DENND1B: variants seen among roughly 807,000 people sequenced by gnomAD.
The protein encoded by DENND1B is DENN domain containing 1B, also known as DENN domain-containing protein 1B.
A neutral mutation model predicts 90.1 loss-of-function variants in DENND1B; 59 were observed. That is an observed-to-expected ratio of 0.65 (90% CI 0.53 to 0.81). DENND1B has a LOEUF of 0.81. Ranked by LOEUF, DENND1B falls within the 40% of genes least tolerant of loss-of-function variation. The pLI is 0.00. For synonymous variants in DENND1B, 337 were observed against 324.6 expected, an observed-to-expected ratio of 1.04 and a Z score of -0.41; for missense variants, 862 against 912.6, an observed-to-expected ratio of 0.94 and a Z score of 0.71.
chr1:197,663,603 T>C (rs1404138833), intron 5 of DENND1B, among the ~76,000 whole-genome samples: 2 of 152,146 alleles, frequency 1.3e-5, no homozygotes, highest in African/African-American at 2.4e-5. Context: ...TCCAGACTTC[T>C]TGTTTCTCTT....
Position 197,770,647 on chromosome 1 carries a change from A to C in DENND1B, c.82+2221T>G, listed in dbSNP as rs376753175. On this transcript the variant is annotated intron_variant, in intron 2 of 22. Transcript: ENST00000620048. ...ATATATATAAAAATATATATCTATA[A>C]ATATATATCTATAAATATATATCTA... Among the ~76,000 whole-genome samples the C allele has an allele frequency of 7.2e-3, 1,036 of 143,544 alleles. 27 individuals are homozygous for C. The highest frequency in any genetic ancestry group is 0.025 in the African/African-American group (968 of 39,222). 94.2% of individuals were successfully genotyped at this position (143,544 alleles called of 152,430 possible).
intron 2 of DENND1B, chr1:197,761,941 T>G (rs182333775): frequency 6.7e-4 from 102 of 152,116 alleles, no homozygotes; most frequent in Middle Eastern, 6.8e-3. Context: ...TTAAATAAAG[T>G]GCCCGTTGCT....
rs190654634 is a variant in DENND1B, at chr1:197,508,588, T to C, written c.*1872A>G. The C allele has an allele frequency of 6.6e-6, 1 of 151,836 alleles. No individual in the cohort carries two copies. The highest frequency in any genetic ancestry group is 1.5e-5 in the Non-Finnish European group (1 of 67,790). The allele number at this position is 151,836 out of a possible 1,614,324, so 9.4% of individuals were successfully genotyped here. A position where few individuals can be genotyped will look rare whatever the true frequency, so the allele number is the denominator to read the frequency against. On this transcript the variant is annotated 3_prime_UTR_variant, in exon 23 of 23. Coordinates refer to ENST00000620048, the MANE Select transcript of DENND1B (RefSeq NM_001195215.2). ...CGTAGGTTTTAAAAAAACTTGGTCA[T>C]TTTCTTTAAATTATTTCAAACCCTC...
chr1:197,560,559 G>C (rs1274141460), intron 15 of DENND1B, among the ~76,000 whole-genome samples: 1 of 151,776 alleles, frequency 6.6e-6, no homozygotes, highest in Non-Finnish European at 1.5e-5. Context: ...GCCATGAGGA[G>C]GTTTAATGGG....
intron 6 of DENND1B, 45 bp downstream of exon 6, chr1:197,658,255 A>G: frequency 6.9e-7 from 1 of 1,450,464 alleles, no homozygotes; most frequent in Non-Finnish European, 9.7e-7. Context: ...GTTTTGTGTT[A>G]TAAGTATTTT....
chr1:197,737,168 C>CAGCA (rs1662775744), intron 2 of DENND1B, among the ~76,000 whole-genome samples: 1 of 152,128 alleles, frequency 6.6e-6, no homozygotes, highest in South Asian at 2.1e-4. Context: ...AGCTATAAGG[C>CAGCA]AGCACACCAA....
intron 20 of DENND1B, among the ~76,000 whole-genome samples, chr1:197,523,179 A>C (rs1668896855): frequency 4.6e-5 from 7 of 152,070 alleles, no homozygotes; most frequent in Admixed American, 4.6e-4. Context: ...CATTTATATA[A>C]AACAAAAGCC....
intron 2 of DENND1B, among the ~76,000 whole-genome samples, chr1:197,739,165 G>C (rs1189038217): frequency 1.3e-5 from 2 of 152,148 alleles, no homozygotes; most frequent in Non-Finnish European, 2.9e-5. Flanking sequence ...CACCCAGAGT[G>C]GGAAAACCTC....
rs564802366 is a variant in DENND1B at position 197,626,343 on chromosome 1, G to A, written c.673-8584C>T. 5.8e-3 allele frequency among the ~76,000 whole-genome samples: 876 copies of A among 152,060 alleles called. 4 individuals are homozygous for A. Among genetic ancestry groups the A allele is most frequent in the African/African-American group, 9.7e-3 (401 of 41,500 alleles). ...CTGTCTCTCAGACCACAGGGCAATC[G>A]AACTAGAACTCAGGATTAAGAAACT... On this transcript the variant is annotated intron_variant, in intron 10 of 22. Transcript: ENST00000620048.
At chr1:197,528,807 C>A (rs1379698888) in intron 20 of DENND1B, among the ~76,000 whole-genome samples, 1 of 150,958 alleles carries the variant, frequency 6.6e-6, no homozygotes, top group Non-Finnish European at 1.5e-5. Flanking sequence ...TTGCAGTGAG[C>A]CGAGATCCCG....
At chr1:197,750,475 T>C (rs1653321064) in intron 2 of DENND1B, among the ~76,000 whole-genome samples, 1 of 151,906 alleles carries the variant, frequency 6.6e-6, no homozygotes, top group Non-Finnish European at 1.5e-5. Flanking sequence ...AGATAATGAA[T>C]TTAAACCTAA....
chr1:197,538,682 T>TTTTTA (rs1670098856), intron 20 of DENND1B, among the ~76,000 whole-genome samples: 1 of 135,448 alleles, frequency 7.4e-6, no homozygotes, highest in East Asian at 2.2e-4. Context: ...TTTTTTTTTT[T>TTTTTA]ACAAAGGACT....
At chr1:197,707,985 A>C (rs1053413115) in intron 3 of DENND1B, among the ~76,000 whole-genome samples, 1 of 152,028 alleles carries the variant, frequency 6.6e-6, no homozygotes. Context: ...CCGGAAAATC[A>C]GGTCACTCCC....
intron 1 of DENND1B, 39 bp downstream of exon 1, chr1:197,775,100 G>A: frequency 8.1e-7 from 1 of 1,229,828 alleles, no homozygotes; most frequent in East Asian, 3.4e-5. Flanking sequence ...GGCCGCCGAG[G>A]GACGCCCGCC....
At chr1:197,747,645 A>C (rs1375503207) in intron 2 of DENND1B, among the ~76,000 whole-genome samples, 1 of 152,250 alleles carries the variant, frequency 6.6e-6, no homozygotes, top group East Asian at 1.9e-4. Context: ...AAAATGCAAT[A>C]CCTAAAAAGC....
intron 20 of DENND1B, among the ~76,000 whole-genome samples, chr1:197,519,827 T>C (rs1040811259): frequency 2.6e-5 from 4 of 151,846 alleles, no homozygotes; most frequent in African/African-American, 9.7e-5. Context: ...TGGTGCATTG[T>C]GGATTGGGGC....
At chr1:197,542,938 T>C (rs1043013327) in intron 18 of DENND1B, among the ~76,000 whole-genome samples, 2 of 151,718 alleles carry the variant, frequency 1.3e-5, no homozygotes, top group African/African-American at 4.8e-5. Flanking sequence ...TATTTATTTA[T>C]TTATTTTTTT....
intron 20 of DENND1B, among the ~76,000 whole-genome samples, chr1:197,525,475 G>T (rs1457259933): frequency 6.6e-6 from 1 of 151,998 alleles, no homozygotes; most frequent in Non-Finnish European, 1.5e-5. Context: ...CATTTAAAAA[G>T]GTTTCTTAAT....
At chr1:197,530,156 T>C (rs919277942) in intron 20 of DENND1B, among the ~76,000 whole-genome samples, 1 of 152,212 alleles carries the variant, frequency 6.6e-6, no homozygotes, top group Non-Finnish European at 1.5e-5. Context: ...CACAATCTAT[T>C]CCAAAGATAA....
Sources: gnomAD v4.1 joint callset for allele counts (sites outside exome capture counted in the v4.1 genomes callset) on GRCh38, gnomAD v4.1.1 for gene constraint, MANE v1.5 for transcripts, NCBI Gene and HGNC (gene_info 2026-07-23, HGNC 2026-07-21) for gene names.